SUPT3H: variants seen among roughly 807,000 people sequenced by gnomAD.
SUPT3H encodes the protein transcription initiation protein SPT3 homolog.
In SUPT3H, 44 loss-of-function variants were observed where a neutral mutation model predicts 44.3. That is an observed-to-expected ratio of 0.99 (90% confidence interval 0.78 to 1.28). The LOEUF (loss-of-function observed/expected upper bound fraction) is 1.28, where lower values mean the gene tolerates loss of function less well. Among genes scored for constraint, SUPT3H ranks in the 50% most tolerant of loss-of-function variants. The pLI, the probability that SUPT3H is intolerant of heterozygous loss-of-function variation, is 0.00. For synonymous variants in SUPT3H, 124 were observed against 125.6 expected, an observed-to-expected ratio of 0.99 and a Z score of 0.09; for missense variants, 380 against 387.1, an observed-to-expected ratio of 0.98 and a Z score of 0.15.
intron 2 of SUPT3H, among the ~76,000 whole-genome samples, chr6:45,181,030 AC>A (rs1205040011): frequency 1.3e-5 from 2 of 151,724 alleles, no homozygotes; most frequent in Non-Finnish European, 2.9e-5. Context: ...AAGAAAAAAA[AC>A]AACCCCATCA....
At chr6:45,011,416 T>C (rs1216476160) in intron 5 of SUPT3H, among the ~76,000 whole-genome samples, 1 of 152,102 alleles carries the variant, frequency 6.6e-6, no homozygotes, top group East Asian at 1.9e-4. Context: ...GTCTTCATAG[T>C]AGACCAACTG....
At chr6:44,906,975 C>T (rs984960660) in intron 10 of SUPT3H, among the ~76,000 whole-genome samples, 8 of 152,170 alleles carry the variant, frequency 5.3e-5, no homozygotes, top group East Asian at 1.9e-4. Flanking sequence ...GGAATGTAGA[C>T]GGACACAACC....
At chr6:45,229,911 T>C (rs1164729469) in intron 2 of SUPT3H, among the ~76,000 whole-genome samples, 1 of 152,116 alleles carries the variant, frequency 6.6e-6, no homozygotes, top group Admixed American at 6.6e-5. Flanking sequence ...CTATCAACCA[T>C]TGGAATTTAT....
intron 10 of SUPT3H, among the ~76,000 whole-genome samples, chr6:44,912,850 A>G (rs1391299378): frequency 6.6e-6 from 1 of 152,198 alleles, no homozygotes; most frequent in East Asian, 1.9e-4. Flanking sequence ...TTACTGTGCT[A>G]GGTGAGGAGG....
chr6:44,874,629 T>C (rs946509135), intron 10 of SUPT3H, among the ~76,000 whole-genome samples: 3 of 89,166 alleles, frequency 3.4e-5, no homozygotes, highest in Non-Finnish European at 6.5e-5. Context: ...CTATTCAACA[T>C]AGTGTTGGAA....
At chr6:44,965,828 C>T (rs1457045142) in intron 6 of SUPT3H, among the ~76,000 whole-genome samples, 1 of 152,148 alleles carries the variant, frequency 6.6e-6, no homozygotes, top group African/African-American at 2.4e-5. Context: ...CTTTCATGAA[C>T]TGTATGTTCT....
At chr6:45,148,285 G>A (rs1342294669) in intron 2 of SUPT3H, among the ~76,000 whole-genome samples, 1 of 151,952 alleles carries the variant, frequency 6.6e-6, no homozygotes, top group Non-Finnish European at 1.5e-5. Flanking sequence ...ACTCCTATGA[G>A]GTCAATACTA....
intron 2 of SUPT3H, among the ~76,000 whole-genome samples, chr6:45,161,755 T>C (rs2153601469): frequency 6.6e-6 from 1 of 152,296 alleles, no homozygotes; most frequent in South Asian, 2.1e-4. Flanking sequence ...AAAGACCTAC[T>C]ATATTATTCT....
At chr6:45,059,659 A>C (rs1404093962) in intron 3 of SUPT3H, among the ~76,000 whole-genome samples, 3 of 152,142 alleles carry the variant, frequency 2.0e-5, no homozygotes, top group Admixed American at 2.0e-4. Flanking sequence ...CTTTGTTTGC[A>C]GATGACATAA....
chr6:44,925,433 G>C (rs1769369794), intron 10 of SUPT3H, among the ~76,000 whole-genome samples: 1 of 152,166 alleles, frequency 6.6e-6, no homozygotes, highest in African/African-American at 2.4e-5. Context: ...AAAGTTACCT[G>C]ATAACATGCA....
intron 2 of SUPT3H, among the ~76,000 whole-genome samples, chr6:45,164,751 T>C (rs1562587098): frequency 6.6e-6 from 1 of 152,154 alleles, no homozygotes; most frequent in Non-Finnish European, 1.5e-5. Flanking sequence ...ACTTATATTT[T>C]GTCATAAAAA....
intron 10 of SUPT3H, among the ~76,000 whole-genome samples, chr6:44,877,468 C>CAAAAAAAAAAAA (rs5875897): frequency 8.2e-6 from 1 of 122,482 alleles, no homozygotes; most frequent in African/African-American, 3.3e-5. Flanking sequence ...GACTCAGTCT[C>CAAAAAAAAAAAA]AAAAAAAAAA....
chr6:44,950,508 A>G (rs1774114081), intron 9 of SUPT3H, among the ~76,000 whole-genome samples: 1 of 152,222 alleles, frequency 6.6e-6, no homozygotes, highest in Non-Finnish European at 1.5e-5. Flanking sequence ...GCTACATGGA[A>G]GGATGAGGCA....
chr6:45,372,127 T>G (rs1377665937), intron 1 of SUPT3H: 1 of 584,198 alleles, frequency 1.7e-6, no homozygotes, highest in South Asian at 7.5e-5. Flanking sequence ...CAAACCACAA[T>G]GGAAGCAGTA....
In SUPT3H at chr6:44,845,235, T is replaced by C. The variant is rs572749118; in HGVS notation, c.913-15378A>G. Among the ~76,000 whole-genome samples the C allele has an allele frequency of 5.9e-5, 9 of 152,038 alleles. No individual in the cohort carries two copies. In the East Asian group the frequency reaches 1.2e-3, roughly 20 times the overall value. ...ACCAGACACTGGGGTAGAAACTGAG[T>C]GGGAGAAAAACAGATACGTGAGGCA... On this transcript the variant is annotated intron_variant, in intron 10 of 10. Coordinates refer to ENST00000371459, the MANE Select transcript of SUPT3H (RefSeq NM_003599.4).
chr6:45,185,176 C>T (rs913274250), intron 2 of SUPT3H, among the ~76,000 whole-genome samples: 14 of 152,134 alleles, frequency 9.2e-5, no homozygotes, highest in African/African-American at 3.4e-4. Context: ...CAAGCTAAGC[C>T]TCCATCCTGA....
chr6:45,265,142 G>C (rs1324142920), intron 2 of SUPT3H, among the ~76,000 whole-genome samples: 2 of 151,984 alleles, frequency 1.3e-5, no homozygotes, highest in Admixed American at 6.6e-5. Context: ...TTTTGGAAAT[G>C]AATGAAATAC....
At chr6:45,185,885 A>G (rs1201668679) in intron 2 of SUPT3H, among the ~76,000 whole-genome samples, 2 of 152,218 alleles carry the variant, frequency 1.3e-5, no homozygotes, top group Non-Finnish European at 2.9e-5. Context: ...AGGATCAGCA[A>G]AGCCCAGAGG....
intron 2 of SUPT3H, among the ~76,000 whole-genome samples, chr6:45,194,631 T>A (rs1381686749): frequency 6.6e-6 from 1 of 152,118 alleles, no homozygotes; most frequent in Non-Finnish European, 1.5e-5. Context: ...CACACACATA[T>A]GTATACAATC....
Sources: allele counts gnomAD v4.1 joint callset (sites outside exome capture counted in the v4.1 genomes callset), GRCh38; gene constraint gnomAD v4.1.1; transcripts MANE v1.5; gene names NCBI Gene and HGNC (gene_info 2026-07-23, HGNC 2026-07-21).